CDH13: variants seen among roughly 807,000 people sequenced by gnomAD.
CDH13 encodes cadherin 13.
A neutral mutation model predicts 63.8 loss-of-function variants in CDH13; 24 were observed. The observed-to-expected ratio is 0.38, with a 90% CI of 0.27 to 0.53. The LOEUF is 0.53. Ranked by LOEUF, CDH13 falls within the 20% of genes least tolerant of loss-of-function variation. CDH13 has a pLI of 0.85. For missense variants in CDH13, 1,049 were observed against 903.1 expected (o/e 1.16, Z -2.07); for synonymous variants, 503 against 355.3 (o/e 1.42, Z -4.67).
chr16:83,626,302 A>G (rs1413116648), intron 8 of CDH13, among the ~76,000 whole-genome samples: 2 of 152,244 alleles, frequency 1.3e-5, no homozygotes, highest in Non-Finnish European at 2.9e-5. Context: ...AGCACCAGCC[A>G]TCAGGACGTG....
intron 1 of CDH13, among the ~76,000 whole-genome samples, chr16:82,801,973 A>G (rs1301017131): frequency 2.0e-5 from 3 of 152,182 alleles, no homozygotes; most frequent in Non-Finnish European, 4.4e-5. Context: ...GGAAGGCAAT[A>G]CAGTGTGTGT....
At chr16:83,573,153 A>G (rs1567775655) in intron 7 of CDH13, among the ~76,000 whole-genome samples, 1 of 152,232 alleles carries the variant, frequency 6.6e-6, no homozygotes. Flanking sequence ...AAAGAATAAA[A>G]AAGATTTAGA....
chr16:83,711,769 G>A (rs554048787), intron 10 of CDH13, among the ~76,000 whole-genome samples: 247 of 152,310 alleles, frequency 1.6e-3, no homozygotes, highest in African/African-American at 5.7e-3. Context: ...CACCGCCTTG[G>A]CCTCCCAAAG....
rs368836934 is a variant in CDH13, at chr16:82,940,983, C to A, written c.157+82510C>A. Among the ~76,000 whole-genome samples, 191 of 152,236 alleles carry A rather than the reference C, an allele frequency of 1.3e-3. 1 individual carries two copies. Among genetic ancestry groups the A allele is most frequent in the African/African-American group, 4.3e-3 (178 of 41,540 alleles). On this transcript the variant is annotated intron_variant, in intron 2 of 13. Coordinates refer to ENST00000567109, the MANE Select transcript of CDH13 (RefSeq NM_001257.5). ...AACTCATCCCCAAATGGAGAAGGTG[C>A]ACATTTGGGCTGAAATGTTGCTTTG...
intron 10 of CDH13, chr16:83,721,449 T>C (rs1909678441): frequency 6.6e-6 from 1 of 152,358 alleles, no homozygotes; most frequent in Non-Finnish European, 1.5e-5. Context: ...CTTGAGTTTA[T>C]TCTTGTAAGG....
intron 10 of CDH13, chr16:83,726,233 C>G (rs1212400572): frequency 6.6e-6 from 1 of 152,210 alleles, no homozygotes; most frequent in East Asian, 1.9e-4. Flanking sequence ...ACCATCATTT[C>G]ACATGACCTC....
At chr16:83,740,196 G>A (rs913124627) in intron 10 of CDH13, among the ~76,000 whole-genome samples, 1 of 152,090 alleles carries the variant, frequency 6.6e-6, no homozygotes, top group Non-Finnish European at 1.5e-5. Context: ...AAGTCAGGCA[G>A]GTCCAGATGG....
At chr16:83,723,260 A>C (rs1283345279) in intron 10 of CDH13, among the ~76,000 whole-genome samples, 1 of 152,164 alleles carries the variant, frequency 6.6e-6, no homozygotes, top group Non-Finnish European at 1.5e-5. Context: ...TCATCTTTTC[A>C]CCCACCCTAT....
chr16:82,736,474 C>T (rs2033679065), intron 1 of CDH13, among the ~76,000 whole-genome samples: 1 of 152,148 alleles, frequency 6.6e-6, no homozygotes, highest in Admixed American at 6.5e-5. Flanking sequence ...GCAATTCTTG[C>T]TGTGGTGAGC....
At chr16:83,547,270 C>G (rs1421452354) in intron 7 of CDH13, among the ~76,000 whole-genome samples, 1 of 152,236 alleles carries the variant, frequency 6.6e-6, no homozygotes, top group Non-Finnish European at 1.5e-5. Flanking sequence ...GTGGGAAGCC[C>G]AGGAACCTGG....
intron 4 of CDH13, among the ~76,000 whole-genome samples, chr16:83,127,720 C>G (rs2035873856): frequency 1.3e-5 from 2 of 152,182 alleles, no homozygotes; most frequent in Admixed American, 1.3e-4. Flanking sequence ...GGGTGAGACT[C>G]TGTGTCAAAC....
intron 6 of CDH13, among the ~76,000 whole-genome samples, chr16:83,453,429 A>C (rs2072936189): frequency 6.6e-6 from 1 of 152,240 alleles, no homozygotes; most frequent in Admixed American, 6.5e-5. Flanking sequence ...GAATAACATT[A>C]CACCCCACAC....
At chr16:83,509,411 G>C (rs2074502103) in intron 7 of CDH13, among the ~76,000 whole-genome samples, 1 of 152,150 alleles carries the variant, frequency 6.6e-6, no homozygotes, top group South Asian at 2.1e-4. Context: ...AGGCTTTGTG[G>C]GCCATATGGT....
intron 1 of CDH13, among the ~76,000 whole-genome samples, chr16:82,846,997 C>T (rs914099410): frequency 6.6e-6 from 1 of 152,314 alleles, no homozygotes; most frequent in Non-Finnish European, 1.5e-5. Context: ...CTCTGACAGC[C>T]TTGTCAAAGC....
intron 2 of CDH13, among the ~76,000 whole-genome samples, chr16:82,972,794 A>G (rs1908956164): frequency 6.6e-6 from 1 of 152,040 alleles, no homozygotes; most frequent in African/African-American, 2.4e-5. Context: ...ACTGAGAAAG[A>G]GCTTGTCAAG....
chr16:83,001,330 G>C (rs998005343), intron 2 of CDH13, among the ~76,000 whole-genome samples: 1 of 152,210 alleles, frequency 6.6e-6, no homozygotes, highest in African/African-American at 2.4e-5. Context: ...TGTTGCATTG[G>C]TGTGAATTCC....
intron 2 of CDH13, among the ~76,000 whole-genome samples, chr16:82,956,704 A>G (rs1392931675): frequency 6.6e-6 from 1 of 152,206 alleles, no homozygotes; most frequent in Non-Finnish European, 1.5e-5. Flanking sequence ...GCAGAGCCAA[A>G]CCAAATCTCT....
At chr16:82,869,227 A>G (rs1433653900) in intron 2 of CDH13, among the ~76,000 whole-genome samples, 3 of 152,120 alleles carry the variant, frequency 2.0e-5, no homozygotes, top group African/African-American at 7.2e-5. Flanking sequence ...TTGTAATTTT[A>G]ATAGAGCAAA....
At chr16:83,630,668 AG>A (rs1473762935) in intron 8 of CDH13, among the ~76,000 whole-genome samples, 1 of 152,186 alleles carries the variant, frequency 6.6e-6, no homozygotes, top group Non-Finnish European at 1.5e-5. Context: ...AGGTGAGCAG[AG>A]GGATGACTTT....
Sources: gnomAD v4.1 joint callset for allele counts (sites outside exome capture counted in the v4.1 genomes callset) on GRCh38, gnomAD v4.1.1 for gene constraint, MANE v1.5 for transcripts, NCBI Gene and HGNC (gene_info 2026-07-23, HGNC 2026-07-21) for gene names.